Variants in SH3RF3 observed in about 807,000 individuals in gnomAD.
The protein encoded by SH3RF3 is E3 ubiquitin-protein ligase SH3RF3.
SH3RF3 carries 29 observed loss-of-function variants against 66.3 expected under a neutral mutation model. The observed-to-expected ratio is 0.44, with a 90% CI of 0.33 to 0.60. The LOEUF (loss-of-function observed/expected upper bound fraction) is 0.60, where lower values mean the gene tolerates loss of function less well. SH3RF3 is among the 20% of genes least tolerant of loss of function. The probability of loss-of-function intolerance (pLI) is 0.04; values close to 1 mark genes in which losing one functional copy is unlikely to be tolerated. For synonymous variants in SH3RF3, 583 were observed against 532.0 expected, an observed-to-expected ratio of 1.10 and a Z score of -1.32; for missense variants, 1,194 against 1,190.9, an observed-to-expected ratio of 1.00 and a Z score of -0.04.
chr2:109,360,939 C>T (rs111795107), intron 2 of SH3RF3, among the ~76,000 whole-genome samples: 2,755 of 152,262 alleles, frequency 0.018, 80 homozygotes, highest in African/African-American at 0.057. Flanking sequence ...TTAAGTTTCT[C>T]GTAATTAGGT....
At chr2:109,428,499 C>T (rs935882434) in intron 5 of SH3RF3, among the ~76,000 whole-genome samples, 23 of 152,194 alleles carry the variant, frequency 1.5e-4, no homozygotes, top group African/African-American at 4.1e-4. Flanking sequence ...TGCACCGTCC[C>T]GGGTGTGGTG....
Position 109,237,429 on chromosome 2 carries a change from G to T in SH3RF3, c.573+107316G>T, listed in dbSNP as rs919783564. 7.9e-5 allele frequency among the ~76,000 whole-genome samples: 12 copies of T among 152,196 alleles called. No individual in the cohort carries two copies. In the East Asian group the frequency reaches 2.1e-3, roughly 27 times the overall value. On this transcript the variant is annotated intron_variant, in intron 1 of 9. Transcript: ENST00000309415. The stretch of plus-strand genomic sequence containing the variant: ...TCTTAACAAGTCTATGGAGAAGGTT[G>T]GTGGAAGGCTGGTGAAATAATGCTT...
chr2:109,386,615 G>A (rs1272787773), intron 3 of SH3RF3, among the ~76,000 whole-genome samples: 7 of 152,180 alleles, frequency 4.6e-5, no homozygotes, highest in South Asian at 2.1e-4. Context: ...GTTTGGGCCC[G>A]GCTAATCCCT....
chr2:109,200,358 C>A (rs187479996), intron 1 of SH3RF3, among the ~76,000 whole-genome samples: 2 of 152,196 alleles, frequency 1.3e-5, no homozygotes, highest in East Asian at 3.9e-4. Context: ...TAGGCTCCTT[C>A]GTGGGGTTGC....
At chr2:109,431,021 C>T (rs1677196554) in intron 5 of SH3RF3, among the ~76,000 whole-genome samples, 1 of 152,192 alleles carries the variant, frequency 6.6e-6, no homozygotes. Context: ...CATATTAAGG[C>T]CAAGAAACTT....
At chr2:109,281,440 C>G (rs988401233) in intron 1 of SH3RF3, among the ~76,000 whole-genome samples, 3 of 152,216 alleles carry the variant, frequency 2.0e-5, no homozygotes, top group African/African-American at 7.2e-5. Flanking sequence ...TAGTGTCCTG[C>G]ATCCAGCACA....
chr2:109,413,121 T>A (rs2104494789), intron 4 of SH3RF3, among the ~76,000 whole-genome samples: 1 of 152,308 alleles, frequency 6.6e-6, no homozygotes, highest in Non-Finnish European at 1.5e-5. Flanking sequence ...TTATTTTATA[T>A]ATATATTTTT....
chr2:109,338,727 T>C (rs1051615474), intron 1 of SH3RF3, among the ~76,000 whole-genome samples: 1 of 152,154 alleles, frequency 6.6e-6, no homozygotes, highest in Admixed American at 6.5e-5. Flanking sequence ...CCGACTAATT[T>C]GTGTATTTTT....
intron 1 of SH3RF3, among the ~76,000 whole-genome samples, chr2:109,200,356 T>C (rs375438426): frequency 4.6e-5 from 7 of 152,292 alleles, no homozygotes; most frequent in African/African-American, 1.7e-4. Context: ...CATAGGCTCC[T>C]TCGTGGGGTT....
At chr2:109,240,778 C>T (rs144154823) in intron 1 of SH3RF3, among the ~76,000 whole-genome samples, 4 of 152,162 alleles carry the variant, frequency 2.6e-5, no homozygotes, top group Non-Finnish European at 5.9e-5. Flanking sequence ...TCCTTCTCCT[C>T]TCTAGACCCT....
In SH3RF3 at chr2:109,156,738, C is replaced by T. The variant is rs189014347; in HGVS notation, c.573+26625C>T. ...GATTACAGGCATGAGCCACCGTGCC[C>T]GGCCTGAATTTTAAGTTTTTTAAAA... On this transcript the variant is annotated intron_variant, in intron 1 of 9. Transcript: ENST00000309415. 1.1e-3 allele frequency among the ~76,000 whole-genome samples: 173 copies of T among 152,162 alleles called. 1 individual carries two copies. The highest frequency in any genetic ancestry group is 3.4e-3 in the Middle Eastern group (1 of 294).
At chr2:109,251,578 C>A in intron 1 of SH3RF3, 1 of 879,154 alleles carries the variant, frequency 1.1e-6, no homozygotes, top group Non-Finnish European at 2.0e-6. Flanking sequence ...GACTGGTGGG[C>A]AACAGAACAA....
chr2:109,289,493 G>A (rs1263886730), intron 1 of SH3RF3, among the ~76,000 whole-genome samples: 1 of 152,142 alleles, frequency 6.6e-6, no homozygotes, highest in Non-Finnish European at 1.5e-5. Flanking sequence ...GCTCTTATAC[G>A]CACTCTTGGT....
chr2:109,408,567 G>A (rs1367435848), intron 4 of SH3RF3, among the ~76,000 whole-genome samples: 1 of 152,228 alleles, frequency 6.6e-6, no homozygotes, highest in Admixed American at 6.5e-5. Flanking sequence ...CCTCCCATTC[G>A]CTGTCCCCTC....
At chr2:109,322,625 A>T (rs1419406829) in intron 1 of SH3RF3, among the ~76,000 whole-genome samples, 1 of 152,242 alleles carries the variant, frequency 6.6e-6, no homozygotes, top group Non-Finnish European at 1.5e-5. Context: ...CGCCAGTCAA[A>T]TGTCAAAGGC....
chr2:109,470,593 G>A (rs1678478598), intron 8 of SH3RF3, among the ~76,000 whole-genome samples: 1 of 152,216 alleles, frequency 6.6e-6, no homozygotes. Context: ...AAGGCAGTCT[G>A]GAGGAGGACA....
At chr2:109,339,337 T>A (rs1682504069) in intron 1 of SH3RF3, among the ~76,000 whole-genome samples, 1 of 151,924 alleles carries the variant, frequency 6.6e-6, no homozygotes, top group Non-Finnish European at 1.5e-5. Flanking sequence ...TATAGTAAGA[T>A]GATGTGGTGG....
chr2:109,236,848 A>T (rs1289866266), intron 1 of SH3RF3, among the ~76,000 whole-genome samples: 1 of 152,224 alleles, frequency 6.6e-6, no homozygotes, highest in Non-Finnish European at 1.5e-5. Context: ...TTGCAGGTAC[A>T]GTCTCCGGCT....
chr2:109,178,527 A>G (rs554786229), intron 1 of SH3RF3, among the ~76,000 whole-genome samples: 103 of 152,266 alleles, frequency 6.8e-4, no homozygotes, highest in Admixed American at 9.8e-4. Context: ...TATTCCCAAC[A>G]TTGCTATGTT....
Sources: allele counts gnomAD v4.1 joint callset (sites outside exome capture counted in the v4.1 genomes callset), GRCh38; gene constraint gnomAD v4.1.1; transcripts MANE v1.5; gene names NCBI Gene and HGNC (gene_info 2026-07-23, HGNC 2026-07-21).